Variants in FRMD4A observed in about 807,000 individuals in gnomAD.
FRMD4A encodes the protein FERM domain containing 4A.
FRMD4A carries 29 observed loss-of-function variants against 129.1 expected under a neutral mutation model. The observed-to-expected ratio is 0.22, with a 90% CI of 0.17 to 0.31. The LOEUF (loss-of-function observed/expected upper bound fraction) is 0.31, where lower values mean the gene tolerates loss of function less well. FRMD4A is among the 10% of genes least tolerant of loss of function. The pLI, the probability that FRMD4A is intolerant of heterozygous loss-of-function variation, is 1.00. For synonymous variants in FRMD4A, 634 were observed against 571.6 expected, an observed-to-expected ratio of 1.11 and a Z score of -1.56; for missense variants, 1,272 against 1,375.8, an observed-to-expected ratio of 0.92 and a Z score of 1.19.
chr10:13,744,422 T>TG (rs2091186227), intron 9 of FRMD4A: 1 of 152,236 alleles, frequency 6.6e-6, no homozygotes, highest in Non-Finnish European at 1.5e-5. Context: ...AAAGGCTTCT[T>TG]GCACCATAAC....
rs1208026264 is a variant in FRMD4A at position 13,882,805 on chromosome 10, GGT to G, written c.46-23895_46-23894del. Among the ~76,000 whole-genome samples, 418 of 96,110 alleles carry G rather than the reference GGT, an allele frequency of 4.3e-3. 2 individuals are homozygous for G. The highest frequency in any genetic ancestry group is 6.5e-3 in the Admixed American group (58 of 8,914). The allele number at this position is 96,110 out of a possible 152,430, so 63.1% of individuals were successfully genotyped here. A position where few individuals can be genotyped will look rare whatever the true frequency, so the allele number is the denominator to read the frequency against. On this transcript the variant is annotated intron_variant, in intron 2 of 24. Coordinates refer to ENST00000357447, the MANE Select transcript of FRMD4A (RefSeq NM_018027.5). ...ACCAAAAGCCACAGTATAATTTTTT[GGT>G]TTTTTTTTTTTTTTTTGAGACACAC...
At chr10:13,828,851 A>G (rs1235300680) in intron 3 of FRMD4A, among the ~76,000 whole-genome samples, 3 of 152,096 alleles carry the variant, frequency 2.0e-5, no homozygotes, top group Non-Finnish European at 4.4e-5. Flanking sequence ...TCTTTATCCA[A>G]GTGTCCATTG....
intron 2 of FRMD4A, among the ~76,000 whole-genome samples, chr10:13,860,072 AC>A (rs200824132): frequency 0.015 from 2,226 of 152,270 alleles, 58 homozygotes; most frequent in African/African-American, 0.05. Flanking sequence ...GCCTGGCATC[AC>A]CCTCAAAGGA....
intron 4 of FRMD4A, among the ~76,000 whole-genome samples, chr10:13,800,593 T>A (rs1027732317): frequency 2.6e-5 from 4 of 152,166 alleles, no homozygotes; most frequent in Admixed American, 2.6e-4. Context: ...GGTCCAGGCT[T>A]GAGATATCCT....
intron 14 of FRMD4A, among the ~76,000 whole-genome samples, chr10:13,700,294 C>T (rs978210673): frequency 4.6e-5 from 7 of 151,292 alleles, no homozygotes; most frequent in African/African-American, 1.5e-4. Flanking sequence ...ACCCCCAATT[C>T]GCTCACTCTC....
chr10:14,259,332 C>T lies in FRMD4A; in HGVS notation c.45+70726G>A, dbSNP rs1243026548. 2.0e-5 allele frequency among the ~76,000 whole-genome samples: 3 copies of T among 151,968 alleles called. No homozygotes were observed. The East Asian group carries it at 5.8e-4, about 29-fold the overall frequency. ...AAAAAAGTTAAAAGTGTAAACACAC[C>T]ATTCACTATTGAAGAATATACAAAT... is the stretch of plus-strand genomic sequence containing the variant. On this transcript the variant is annotated intron_variant, in intron 2 of 24. Coordinates refer to ENST00000357447, the MANE Select transcript of FRMD4A (RefSeq NM_018027.5).
chr10:14,096,454 C>A (rs1457407977), intron 2 of FRMD4A, among the ~76,000 whole-genome samples: 2 of 152,246 alleles, frequency 1.3e-5, no homozygotes, highest in African/African-American at 4.8e-5. Flanking sequence ...TGGAGAGAGA[C>A]TTCTGATCTC....
chr10:14,024,197 C>T (rs1412758831), intron 2 of FRMD4A, among the ~76,000 whole-genome samples: 1 of 152,228 alleles, frequency 6.6e-6, no homozygotes, highest in East Asian at 1.9e-4. Context: ...ACGGTTTTCT[C>T]CCCTGACCGC....
intron 2 of FRMD4A, among the ~76,000 whole-genome samples, chr10:14,011,871 T>C (rs2095683710): frequency 6.6e-6 from 1 of 152,020 alleles, no homozygotes; most frequent in Non-Finnish European, 1.5e-5. Context: ...TAGCTGGGCA[T>C]GGTGGTGGGC....
chr10:14,114,107 C>G (rs1838074472), intron 2 of FRMD4A, among the ~76,000 whole-genome samples: 1 of 152,234 alleles, frequency 6.6e-6, no homozygotes, highest in Non-Finnish European at 1.5e-5. Flanking sequence ...CTCCCTGTGG[C>G]TTCTCTGAAA....
At chr10:14,067,235 G>C (rs1835104839) in intron 2 of FRMD4A, among the ~76,000 whole-genome samples, 1 of 151,924 alleles carries the variant, frequency 6.6e-6, no homozygotes, top group Non-Finnish European at 1.5e-5. Context: ...AGAATCGCTT[G>C]AACCCAGGAG....
At chr10:14,235,413 G>A (rs978695848) in intron 2 of FRMD4A, among the ~76,000 whole-genome samples, 5 of 152,072 alleles carry the variant, frequency 3.3e-5, no homozygotes, top group African/African-American at 1.2e-4. Flanking sequence ...CTCCCAAAGT[G>A]CTGGGATTAC....
chr10:14,089,627 AAACAAAAAAAAACAAAC>A lies in FRMD4A; in HGVS notation c.46-230732_46-230716del, dbSNP rs1486991194. Among the ~76,000 whole-genome samples, 182 of 30,998 alleles carry A rather than the reference AAACAAAAAAAAACAAAC, an allele frequency of 5.9e-3. 1 individual carries two copies. The highest frequency in any genetic ancestry group is 0.018 in the African/African-American group (170 of 9,218). The allele number at this position is 30,998 out of a possible 152,430, so 20.3% of individuals were successfully genotyped here. On this transcript the variant is annotated intron_variant, in intron 2 of 24. Transcript: ENST00000357447. ...AGTTCACCTTTTCAAGCAAAAAAAA[AAACAAAAAAAAACAAAC>A]AAAAAAAAAACAGAAGAAAGAAATA...
In FRMD4A at chr10:13,797,791, A is replaced by G. The variant is rs542908642; in HGVS notation, c.207-1203T>C. ...ATAATGAGAAACAAAATCTGTCTGC[A>G]TCATTGTCTAAAAACGCTTGTTCCT... is the stretch of plus-strand genomic sequence containing the variant. On this transcript the variant is annotated intron_variant, in intron 4 of 24. Transcript: ENST00000357447. Among the ~76,000 whole-genome samples the G allele has an allele frequency of 3.9e-5, 6 of 152,320 alleles. No homozygotes were observed. The East Asian group carries it at 9.6e-4, about 24-fold the overall frequency.
chr10:14,140,931 G>A (rs911258287), intron 2 of FRMD4A, among the ~76,000 whole-genome samples: 1 of 152,100 alleles, frequency 6.6e-6, no homozygotes, highest in African/African-American at 2.4e-5. Flanking sequence ...CCTGGATTAG[G>A]CAAAGTGGCA....
intron 2 of FRMD4A, among the ~76,000 whole-genome samples, chr10:13,900,052 G>A (rs1476188159): frequency 2.0e-5 from 3 of 152,184 alleles, no homozygotes; most frequent in Non-Finnish European, 4.4e-5. Flanking sequence ...GCAGGTTAAA[G>A]TGCTTGGCTG....
intron 2 of FRMD4A, chr10:13,972,430 T>G: frequency 2.4e-6 from 1 of 419,402 alleles, no homozygotes; most frequent in Non-Finnish European, 3.2e-6. Context: ...GTCCCAAGTT[T>G]AGGTTGGGAT....
chr10:13,958,874 C>G (rs571383294), intron 2 of FRMD4A, among the ~76,000 whole-genome samples: 1 of 152,178 alleles, frequency 6.6e-6, no homozygotes, highest in East Asian at 1.9e-4. Context: ...CACGAGCCAC[C>G]GTGCCCAGGC....
At chr10:14,030,819 C>G (rs1031794419) in intron 2 of FRMD4A, among the ~76,000 whole-genome samples, 2 of 151,782 alleles carry the variant, frequency 1.3e-5, no homozygotes, top group Non-Finnish European at 2.9e-5. Context: ...CCTTGTCTTT[C>G]CCACTCAGGA....
Sources: allele counts gnomAD v4.1 joint callset (sites outside exome capture counted in the v4.1 genomes callset), GRCh38; gene constraint gnomAD v4.1.1; transcripts MANE v1.5; gene names NCBI Gene and HGNC (gene_info 2026-07-23, HGNC 2026-07-21).